The following THBS2 variants were observed in gnomAD, a reference collection of about 807,000 sequenced individuals.
THBS2 encodes thrombospondin 2.
Under a neutral mutation model 135.2 loss-of-function variants are expected in THBS2, and 47 were observed. The observed-to-expected ratio is 0.35, with a 90% CI of 0.28 to 0.44. THBS2 has a LOEUF of 0.44. Ranked by LOEUF, THBS2 falls within the 20% of genes least tolerant of loss-of-function variation. The probability of loss-of-function intolerance (pLI) is 1.00; values close to 1 mark genes in which losing one functional copy is unlikely to be tolerated. For missense variants in THBS2, 1,288 were observed against 1,603.1 expected, an observed-to-expected ratio of 0.80 and a Z score of 3.36; for synonymous variants, 639 against 633.8, an observed-to-expected ratio of 1.01 and a Z score of -0.12.
intron 1 of THBS2, among the ~76,000 whole-genome samples, chr6:169,251,520 T>C (rs1780753821): frequency 1.3e-5 from 2 of 152,154 alleles, no homozygotes; most frequent in Non-Finnish European, 2.9e-5. Flanking sequence ...GCTGGGCGAT[T>C]AACCCTGTGG....
chr6:169,251,403 T>G (rs1317925782), intron 1 of THBS2, among the ~76,000 whole-genome samples: 1 of 152,370 alleles, frequency 6.6e-6, no homozygotes, highest in Non-Finnish European at 1.5e-5. Context: ...ATTTTGACCC[T>G]GCCTCTTTAT....
Position 169,241,987 on chromosome 6 carries a change from C to T in THBS2, c.695-29G>A. 2 of 1,586,876 alleles carry T rather than the reference C, an allele frequency of 1.3e-6. No individual in the cohort carries two copies. The highest frequency in any genetic ancestry group is 1.7e-6 in the Non-Finnish European group (2 of 1,163,912). ...AGGGCAAGCGTAGAAGGGCCGTGAG[C>T]ATCACAGAGGACGGGGCCAGCAGCA... On this transcript the variant is annotated intron_variant, in intron 4 of 21. Coordinates refer to ENST00000617924, the MANE Select transcript of THBS2 (RefSeq NM_003247.5). The surrounding 1 kb of genome is among the most constrained non-coding windows in gnomAD (Gnocchi z 5.5).
intron 9 of THBS2, 87 bp from the exon 10 acceptor site, chr6:169,234,994 G>C: frequency 7.3e-7 from 1 of 1,364,500 alleles, no homozygotes; most frequent in South Asian, 1.4e-5. Flanking sequence ...AGAGCAGGTG[G>C]GACATGGTGT....
In THBS2 at chr6:169,240,585, T is replaced by G. The variant is rs761141858; in HGVS notation, c.899A>C (p.Asp300Ala). ...AATGAGCTCCCAGAGAAACTGGTTA[T>G]CATTCGACTGGAAAATCAAGTGAAA... is the stretch of plus-strand genomic sequence containing the variant. ...LSENLKRVSN[D>A]NQFLWELIGG... Residue 300 changes from aspartate to alanine, a missense_variant, in exon 6 of 22, where the codon GAT (aspartate) becomes GCT (alanine). Transcript: ENST00000617924. The G allele has an allele frequency of 6.2e-7, 1 of 1,613,698 alleles. No homozygotes were observed. Among genetic ancestry groups the G allele is most frequent in the Non-Finnish European group, 8.5e-7 (1 of 1,179,750 alleles).
chr6:169,253,174 G>A (rs1780810570), intron 1 of THBS2, among the ~76,000 whole-genome samples: 1 of 151,990 alleles, frequency 6.6e-6, no homozygotes, highest in South Asian at 2.1e-4. Context: ...AACAATCAGA[G>A]TCTCTCTTTA....
chr6:169,218,176 T>C (rs1779255018), intron 21 of THBS2, among the ~76,000 whole-genome samples: 1 of 140,710 alleles, frequency 7.1e-6, no homozygotes, highest in African/African-American at 2.7e-5. Context: ...GGTGGATGGA[T>C]GGATGAGTGG....
intron 20 of THBS2, 94 bp from the exon 21 acceptor site, chr6:169,220,431 A>G: frequency 6.8e-7 from 1 of 1,475,184 alleles, no homozygotes; most frequent in Non-Finnish European, 9.2e-7. Flanking sequence ...TCCGGACACA[A>G]GCTGTGGATA....
intron 9 of THBS2, 22 bp downstream of exon 9, chr6:169,237,148 G>GCC (rs1780126900): frequency 6.3e-7 from 1 of 1,588,682 alleles, no homozygotes; most frequent in African/African-American, 1.3e-5. Context: ...CCCACCCAGG[G>GCC]CCCCGCCTTC....
Position 169,237,263 on chromosome 6 carries a change from G to A in THBS2, c.1384C>T (p.Arg462Cys), listed in dbSNP as rs770501010. The part of the protein sequence containing the change: ...TCGVGNITRI[R>C]LCNSPVPQMG... ...TGGGGCACTGGGGAGTTGCAGAGAC[G>A]GATGCGTGTGATATTGCCAACTCCA... The change falls in exon 9 of 22, where the codon CGT (arginine) becomes TGT (cysteine). Residue 462 changes from arginine to cysteine, a missense_variant. By Grantham distance (180) the Arg-to-Cys change is radical. Coordinates refer to ENST00000617924, the MANE Select transcript of THBS2 (RefSeq NM_003247.5). The A allele has an allele frequency of 2.4e-5, 39 of 1,613,338 alleles. No individual in the cohort carries two copies. Among genetic ancestry groups the A allele is most frequent in the Non-Finnish European group, 3.1e-5 (37 of 1,180,032 alleles).
In THBS2 at chr6:169,248,877, G is replaced by C. The variant is rs1188524029; in HGVS notation, c.149C>G (p.Pro50Arg). 1.9e-6 allele frequency: 3 copies of C among 1,612,856 alleles called. 1 individual carries two copies. The South Asian group carries it at 3.3e-5, about 18-fold the overall frequency. The change falls in exon 3 of 22, where the codon CCC becomes CGC. Residue 50 changes from proline to arginine, a missense_variant. By Grantham distance (103) the Pro-to-Arg change is moderately radical. This residue lies in a region of THBS2 where 414 missense variants were observed against 447.0 expected (regional missense o/e 0.93). Coordinates refer to ENST00000617924, the MANE Select transcript of THBS2 (RefSeq NM_003247.5). Reference protein sequence around the residue: ...IGAKQFRGPDPGVPAYRFVRF... With the variant: ...IGAKQFRGPDRGVPAYRFVRF... ...CACGAAGCGGTAAGCCGGCACGCCG[G>C]GGTCGGGCCCGCGGAACTGCTTGGC... is the stretch of plus-strand genomic sequence containing the variant.
intron 16 of THBS2, among the ~76,000 whole-genome samples, 193 bp downstream of exon 16, chr6:169,225,987 G>A (rs911607498): frequency 2.6e-5 from 4 of 152,234 alleles, no homozygotes; most frequent in African/African-American, 9.6e-5. Flanking sequence ...CTGTCTTTGT[G>A]GAGCTCATGG....
Position 169,225,239 on chromosome 6 carries a change from G to C in THBS2, c.2679C>G (p.Gly893=). 1.2e-6 allele frequency: 2 copies of C among 1,613,714 alleles called. No homozygotes were observed. The highest frequency in any genetic ancestry group is 1.7e-6 in the Non-Finnish European group (2 of 1,179,802). The change falls in exon 17 of 22, where the codon GGC becomes GGG. Residue 893 remains glycine, a synonymous_variant. Coordinates refer to ENST00000617924, the MANE Select transcript of THBS2 (RefSeq NM_003247.5). ...NQADHDRDGQ[G]DACDPDDDND... is the part of the protein sequence containing the mutation. ...TGTCATCATCAGGGTCACAGGCGTC[G>C]CCCTGGCCGTCTCTGTCATGGTCAG... is the stretch of plus-strand genomic sequence containing the variant.
rs903758251 is a variant in THBS2, at chr6:169,249,213, C to T, written c.53-240G>A. Reference sequence around the variant, plus strand: ...CAACGCAGCTGCGGGTCTGTGGGGTCAGTTTCTGCCCCTGGCTGGTCGAGG... The same window carrying T: ...CAACGCAGCTGCGGGTCTGTGGGGTTAGTTTCTGCCCCTGGCTGGTCGAGG... On this transcript the variant is annotated intron_variant, in intron 2 of 21. Transcript: ENST00000617924. Among the ~76,000 whole-genome samples, 3 of 152,188 alleles carry T rather than the reference C, an allele frequency of 2.0e-5. No homozygotes were observed. The East Asian group carries it at 5.8e-4, about 29-fold the overall frequency.
chr6:169,220,398 T>C (rs948711677), intron 20 of THBS2, 61 bp from the exon 21 acceptor site: 2 of 1,560,740 alleles, frequency 1.3e-6, no homozygotes, highest in African/African-American at 2.7e-5. Flanking sequence ...CTGTGAAGCA[T>C]TCACCAGTGA....
At chr6:169,220,130 A>C (rs1779369968) in intron 21 of THBS2, 68 bp downstream of exon 21, 1 of 1,556,850 alleles carries the variant, frequency 6.4e-7, no homozygotes. Context: ...GGAAGAGCGC[A>C]CTGTGTACCC....
chr6:169,242,683 CCTTCCCAT>C (rs1286518322), intron 4 of THBS2, among the ~76,000 whole-genome samples: 4 of 68,498 alleles, frequency 5.8e-5, no homozygotes, highest in Non-Finnish European at 6.0e-5. Flanking sequence ...CACCTTCCCA[CCTTCCCAT>C]CTTCCCACCT....
In THBS2 at chr6:169,250,736, G is replaced by C. The variant is rs991241181; in HGVS notation, c.49C>G (p.Gln17Glu). ...LLALWVWPST[Q>E]AGHQDKDTTF... ...CACAGGCTCTGAGGACACTCACCTT[G>C]CGTGCTGGGCCACACCCACAGAGCC... is the stretch of plus-strand genomic sequence containing the variant. Residue 17 changes from glutamine (Q) to glutamate (E), a missense_variant, in exon 2 of 22, where the codon CAA (glutamine) becomes GAA (glutamate). Around this residue, in one of 2 missense-constraint regions of THBS2, gnomAD observed 414 missense variants for 447.0 expected, o/e 0.93. Coordinates refer to ENST00000617924, the MANE Select transcript of THBS2 (RefSeq NM_003247.5). 19 of 1,613,290 alleles carry C rather than the reference G, an allele frequency of 1.2e-5. No individual in the cohort carries two copies. Among genetic ancestry groups the C allele is most frequent in the South Asian group, 9.9e-5 (9 of 90,810 alleles).
chr6:169,239,540 A>T (rs1583416024), intron 7 of THBS2, 59 bp downstream of exon 7: 1 of 1,477,764 alleles, frequency 6.8e-7, no homozygotes, highest in East Asian at 2.4e-5. Flanking sequence ...GAATAAATAA[A>T]CAAACAAGCA....
At position 169,223,309 on chromosome 6, in the gene THBS2, G is replaced by A. The variant is rs767690239; in HGVS notation, c.2940C>T (p.Val980=). 6.2e-7 allele frequency: 1 copy of A among 1,614,088 alleles called. No individual in the cohort carries two copies. The highest frequency in any genetic ancestry group is 1.3e-5 in the African/African-American group (1 of 74,936). The change falls in exon 18 of 22, where the codon GTC becomes GTT. Residue 980 remains valine, a synonymous_variant. Transcript: ENST00000617924. ...KGTTQIDPNW[V]IRHQGKELVQ... ...CCAGCTCCTTGCCTTGATGGCGAATGACCCAGTTGGGATCAATTTGGGTGG... is the reference window on the plus strand; with the variant it reads ...CCAGCTCCTTGCCTTGATGGCGAATAACCCAGTTGGGATCAATTTGGGTGG...
Sources: gnomAD v4.1 joint callset for allele counts (sites outside exome capture counted in the v4.1 genomes callset) on GRCh38, gnomAD v4.1.1 for gene constraint, gnomAD v4.1.1 regional missense constraint, Gnocchi (gnomAD v3.1) non-coding constraint, MANE v1.5 for transcripts, NCBI Gene and HGNC (gene_info 2026-07-23, HGNC 2026-07-21) for gene names.